The following ZFYVE26 variants were observed in gnomAD, a reference collection of about 807,000 sequenced individuals.
ZFYVE26 encodes the protein zinc finger FYVE-type containing 26, also known as zinc finger FYVE domain-containing protein 26.
Under a neutral mutation model 276.5 loss-of-function variants are expected in ZFYVE26, and 181 were observed. That is an observed-to-expected ratio of 0.65 (90% CI 0.58 to 0.74). The LOEUF (loss-of-function observed/expected upper bound fraction) is 0.74, where lower values mean the gene tolerates loss of function less well. Ranked by LOEUF, ZFYVE26 falls within the 30% of genes least tolerant of loss-of-function variation. The pLI, the probability that ZFYVE26 is intolerant of heterozygous loss-of-function variation, is 0.00. For synonymous variants in ZFYVE26, 1,129 were observed against 1,203.1 expected (o/e 0.94, Z 1.27); for missense variants, 2,821 against 3,097.9 (o/e 0.91, Z 2.12).
chr14:67,799,640 G>A (rs1329222417), intron 10 of ZFYVE26: 5 of 1,371,580 alleles, frequency 3.6e-6, no homozygotes, highest in East Asian at 4.6e-5. Flanking sequence ...GTCCTTAGGT[G>A]TAAATTGATG....
intron 13 of ZFYVE26, among the ~76,000 whole-genome samples, chr14:67,740,320 G>C (rs1487123700): frequency 1.3e-5 from 2 of 151,600 alleles, no homozygotes; most frequent in Non-Finnish European, 2.9e-5. Flanking sequence ...CATAAAAATG[G>C]AAATCAAAGA....
chr14:67,744,005 C>A (rs1319365869), downstream of ZFYVE26, among the ~76,000 whole-genome samples: 3 of 152,136 alleles, frequency 2.0e-5, no homozygotes, highest in African/African-American at 7.2e-5. Flanking sequence ...ACCAAAGAAG[C>A]CATTCAGTGA....
intron 23 of ZFYVE26, 140 bp downstream of exon 23, chr14:67,780,101 C>T (rs766324544): frequency 8.2e-5 from 67 of 820,672 alleles, no homozygotes; most frequent in Admixed American, 4.3e-4. Context: ...CCTTGTGAGC[C>T]GCCCGCCTCG....
At chr14:67,756,519 C>G (rs978685830) in intron 35 of ZFYVE26, 5 of 248,828 alleles carry the variant, frequency 2.0e-5, no homozygotes, top group Non-Finnish European at 3.2e-5. Context: ...TATTTTCTAT[C>G]TGATCAATCA....
At chr14:67,752,632 T>C in intron 39 of ZFYVE26, 106 bp from the exon 40 acceptor site, 2 of 1,220,298 alleles carry the variant, frequency 1.6e-6, no homozygotes, top group Middle Eastern at 2.2e-4. Flanking sequence ...ATAAGCCATA[T>C]TGATTGTGGT....
At chr14:67,767,589 T>C in intron 31 of ZFYVE26, 115 bp downstream of exon 31, 1 of 1,384,496 alleles carries the variant, frequency 7.2e-7, no homozygotes, top group Non-Finnish European at 1.0e-6. Context: ...AGCTCCCATA[T>C]TATTGCACTA....
At position 67,782,842 on chromosome 14, in the gene ZFYVE26, C is replaced by T. The variant is rs1346504852; in HGVS notation, c.4310G>A (p.Gly1437Glu). 3 of 1,614,238 alleles carry T rather than the reference C, an allele frequency of 1.9e-6. No homozygotes were observed. The highest frequency in any genetic ancestry group is 1.7e-6 in the Non-Finnish European group (2 of 1,180,042). The change falls in exon 21 of 42, where the codon GGG becomes GAG. Residue 1437 changes from glycine to glutamate, a missense_variant. Physicochemically the swap from Gly to Glu is moderately conservative, Grantham distance 98. Transcript: ENST00000347230. ...SRALQLTEVY[G>E]RDVDDLSSIK... is the part of the protein sequence containing the mutation. ...GCTGCTCAAATCGTCCACATCTCGC[C>T]CGTACACTTCAGTGAGCTGAAGGGC...
chr14:67,731,604 TTAAA>T (rs1313576458), intron 13 of ZFYVE26, among the ~76,000 whole-genome samples: 3 of 152,004 alleles, frequency 2.0e-5, no homozygotes, highest in Non-Finnish European at 4.4e-5. Context: ...TATACAGTCA[TTAAA>T]TATCATATTT....
Position 67,807,402 on chromosome 14 carries a change from T to G in ZFYVE26, c.882A>C (p.Gly294=). 6.2e-7 allele frequency: 1 copy of G among 1,614,024 alleles called. No homozygotes were observed. Among genetic ancestry groups the G allele is most frequent in the Non-Finnish European group, 8.5e-7 (1 of 1,179,954 alleles). The change falls in exon 5 of 42, where the codon GGA becomes GGC. Residue 294 remains glycine (G), a synonymous_variant. Coordinates refer to ENST00000347230, the MANE Select transcript of ZFYVE26 (RefSeq NM_015346.4). ...TEKPPRATAS[G]KVSPDHLDPE... is the part of the protein sequence containing the mutation. ...GCAGCAGCAAAGGGAACACACCTTT[T>G]CCCGAGGCTGTAGCCCTCGGTGGCT...
chr14:67,780,151 T>C (rs934970710), intron 23 of ZFYVE26, 90 bp downstream of exon 23: 21 of 1,196,846 alleles, frequency 1.8e-5, no homozygotes, highest in Middle Eastern at 3.7e-4. Context: ...AAAGTGAACA[T>C]TGATATGCAG....
intron 14 of ZFYVE26, among the ~76,000 whole-genome samples, chr14:67,791,929 G>A (rs1964828): frequency 0.68 from 103,375 of 151,440 alleles, 35,744 homozygotes; most frequent in East Asian, 0.98. Flanking sequence ...GAGTGGTGGT[G>A]TGCACCTGTA....
chr14:67,743,164 G>A (rs910847432), downstream of ZFYVE26, among the ~76,000 whole-genome samples: 3 of 151,980 alleles, frequency 2.0e-5, no homozygotes, highest in Non-Finnish European at 4.4e-5. Context: ...CAGGCAGCAT[G>A]CACAATAGTA....
Position 67,752,338 on chromosome 14 carries a change from G to A in ZFYVE26, c.7371+6C>T. ...GAGGAGCCAAGAGGTACGGGAGGGA[G>A]TGTACCTGGGGCGGAATTCTCTTGA... is the stretch of plus-strand genomic sequence containing the variant. On this transcript the variant is annotated splice_donor_region_variant and intron_variant, in intron 40 of 41. Coordinates refer to ENST00000347230, the MANE Select transcript of ZFYVE26 (RefSeq NM_015346.4). 6.2e-7 allele frequency: 1 copy of A among 1,607,752 alleles called. No homozygotes were observed. Among genetic ancestry groups the A allele is most frequent in the Non-Finnish European group, 8.5e-7 (1 of 1,177,148 alleles).
At chr14:67,744,961 T>C (rs896570252), downstream of ZFYVE26, among the ~76,000 whole-genome samples, 1 of 152,248 alleles carries the variant, frequency 6.6e-6, no homozygotes, top group Admixed American at 6.5e-5. Context: ...ATGGTATTTC[T>C]GGTTCTAGGT....
At chr14:67,739,343 C>T (rs1259433052) in intron 13 of ZFYVE26, among the ~76,000 whole-genome samples, 1 of 152,128 alleles carries the variant, frequency 6.6e-6, no homozygotes, top group Non-Finnish European at 1.5e-5. Context: ...TTGCTGATGA[C>T]GTGGTGGTGA....
chr14:67,769,925 G>A (rs2039162256), intron 28 of ZFYVE26, 195 bp from the exon 29 acceptor site: 1 of 708,030 alleles, frequency 1.4e-6, no homozygotes, highest in African/African-American at 1.8e-5. Context: ...GTCAGCTGAT[G>A]GGCAAAGGTG....
chr14:67,816,132 G>A, intron 1 of ZFYVE26, 86 bp from the exon 2 acceptor site: 1 of 589,064 alleles, frequency 1.7e-6, no homozygotes, highest in East Asian at 2.8e-5. Context: ...TGGGAAAGGC[G>A]GGACTTGCTT....
At chr14:67,809,408 C>CTTTTT (rs10580613) in intron 3 of ZFYVE26, 119 bp from the exon 4 acceptor site, 30 of 213,460 alleles carry the variant, frequency 1.4e-4, no homozygotes, top group African/African-American at 4.0e-4. Flanking sequence ...ATGAAGCACT[C>CTTTTT]TTTTTTTTTT....
At chr14:67,808,705 T>C (rs1362388772) in intron 4 of ZFYVE26, among the ~76,000 whole-genome samples, 9 of 152,066 alleles carry the variant, frequency 5.9e-5, no homozygotes, top group Non-Finnish European at 2.9e-5. Context: ...AAAGTCCCTC[T>C]CTTAAATCCT....
Sources: allele counts gnomAD v4.1 joint callset (sites outside exome capture counted in the v4.1 genomes callset), GRCh38; gene constraint gnomAD v4.1.1; transcripts MANE v1.5; gene names NCBI Gene and HGNC (gene_info 2026-07-23, HGNC 2026-07-21).